TMPRSS11B: variants seen among roughly 807,000 people sequenced by gnomAD.
TMPRSS11B encodes transmembrane serine protease 11B.
In TMPRSS11B, 53 loss-of-function variants were observed where a neutral mutation model predicts 44.7. The ratio of observed to expected loss-of-function variants is 1.19; its 90% confidence interval spans 0.95 to 1.49. The LOEUF (loss-of-function observed/expected upper bound fraction) is 1.49, where lower values mean the gene tolerates loss of function less well. TMPRSS11B is among the 40% of genes most tolerant of loss of function. TMPRSS11B has a pLI of 0.00. For missense variants in TMPRSS11B, 526 were observed against 494.8 expected, an observed-to-expected ratio of 1.06 and a Z score of -0.60; for synonymous variants, 140 against 159.2, an observed-to-expected ratio of 0.88 and a Z score of 0.91.
intron 7 of TMPRSS11B, among the ~76,000 whole-genome samples, chr4:68,230,190 A>C (rs1424474096): frequency 6.6e-6 from 1 of 151,968 alleles, no homozygotes; most frequent in Non-Finnish European, 1.5e-5. Flanking sequence ...GGTTGATTTC[A>C]TGTTTTTGCT....
At chr4:68,231,543 A>G (rs529489008) in intron 6 of TMPRSS11B, among the ~76,000 whole-genome samples, 163 bp from the exon 7 acceptor site, 2 of 152,218 alleles carry the variant, frequency 1.3e-5, no homozygotes, top group Middle Eastern at 3.4e-3. Flanking sequence ...TCTGTATTCT[A>G]TCTTGGTTTG....
chr4:68,242,753 T>A (rs1406254626), intron 1 of TMPRSS11B, among the ~76,000 whole-genome samples: 1 of 151,448 alleles, frequency 6.6e-6, no homozygotes, highest in African/African-American at 2.4e-5. Flanking sequence ...TGTAATAGAG[T>A]CAGTGGTCTC....
At chr4:68,231,443 A>G (rs1719514104) in intron 6 of TMPRSS11B, 63 bp from the exon 7 acceptor site, 1 of 1,398,612 alleles carries the variant, frequency 7.1e-7, no homozygotes, top group Non-Finnish European at 9.7e-7. Context: ...AAAAAAATAT[A>G]TCATTAAAAA....
rs34414922 is a variant in TMPRSS11B, at chr4:68,227,405, C to CTTTT, written c.*502_*505dup. 144 of 117,090 alleles carry CTTTT rather than the reference C, an allele frequency of 1.2e-3. 3 individuals carry two copies. The highest frequency in any genetic ancestry group is 1.7e-3 in the East Asian group (7 of 4,038). The allele number at this position is 117,090 out of a possible 1,614,324, so 7.3% of individuals were successfully genotyped here. On this transcript the variant is annotated 3_prime_UTR_variant, in exon 10 of 10. Coordinates refer to ENST00000332644, the MANE Select transcript of TMPRSS11B (RefSeq NM_182502.3). Reference sequence around the variant, plus strand: ...TTAGCCTTCTTTATTTTCTTCTCTCCTTTTTTTTTTTTTTTTTTTGAGACA... The same window carrying CTTTT: ...TTAGCCTTCTTTATTTTCTTCTCTCCTTTTTTTTTTTTTTTTTTTTTTTGAGACA...
intron 7 of TMPRSS11B, among the ~76,000 whole-genome samples, chr4:68,230,927 T>C (rs1719493253): frequency 6.6e-6 from 1 of 152,226 alleles, no homozygotes; most frequent in Admixed American, 6.5e-5. Flanking sequence ...AATGTTGTGA[T>C]TAAATGAAAT....
chr4:68,233,685 C>T lies in TMPRSS11B; in HGVS notation c.469+778G>A, dbSNP rs117033245. Among the ~76,000 whole-genome samples, 215 of 152,086 alleles carry T rather than the reference C, an allele frequency of 1.4e-3. 2 individuals carry two copies. Among genetic ancestry groups the T allele is most frequent in the East Asian group, 9.7e-3 (50 of 5,164 alleles). On this transcript the variant is annotated intron_variant, in intron 5 of 9. Coordinates refer to ENST00000332644, the MANE Select transcript of TMPRSS11B (RefSeq NM_182502.3). ...TAAGTTCTCAAAATTTCATGATTCC[C>T]TTGTTTTCTAGGGAATTTTCCAGAC...
rs751667479 is a variant in TMPRSS11B, at chr4:68,228,736, A to G, written c.1089+6T>C. 1.9e-6 allele frequency: 3 copies of G among 1,604,920 alleles called. No individual in the cohort carries two copies. In the African/African-American group the frequency reaches 4.0e-5, roughly 22 times the overall value. ...GAAAACAACTGGATAATGTAACTAG[A>G]CATACCTGACATGCATCAGCTTCTC... On this transcript the variant is annotated splice_donor_region_variant and intron_variant, in intron 9 of 9. Coordinates refer to ENST00000332644, the MANE Select transcript of TMPRSS11B (RefSeq NM_182502.3).
chr4:68,232,467 C>A (rs1394911326), intron 5 of TMPRSS11B, 51 bp from the exon 6 acceptor site: 3 of 1,519,502 alleles, frequency 2.0e-6, no homozygotes, highest in Non-Finnish European at 2.7e-6. Flanking sequence ...TATCACCAAG[C>A]AATTGACTTC....
chr4:68,245,489 C>A lies in TMPRSS11B; in HGVS notation c.8+62G>T, dbSNP rs531682053. On this transcript the variant is annotated intron_variant, in intron 1 of 9. Coordinates refer to ENST00000332644, the MANE Select transcript of TMPRSS11B (RefSeq NM_182502.3). Reference sequence around the variant, plus strand: ...ACAGTCAATTAACAAAAAACTAGAACATACTTAATGGCAACTTGCTACATT... The same window carrying A: ...ACAGTCAATTAACAAAAAACTAGAAAATACTTAATGGCAACTTGCTACATT... 891 of 1,563,860 alleles carry A rather than the reference C, an allele frequency of 5.7e-4. 4 individuals are homozygous for A. In the African/African-American group the frequency reaches 0.01, roughly 18 times the overall value.
In TMPRSS11B at chr4:68,234,671, A is replaced by C. The variant is rs746818159; in HGVS notation, c.309-48T>G. On this transcript the variant is annotated intron_variant, in intron 4 of 9. Coordinates refer to ENST00000332644, the MANE Select transcript of TMPRSS11B (RefSeq NM_182502.3). ...AATGTACTGTTTCTTGATCTTTTAG[A>C]GGTTTTGTGAACACATTAAATTTCA... 8 of 1,588,700 alleles carry C rather than the reference A, an allele frequency of 5.0e-6. No homozygotes were observed. The African/African-American group carries it at 1.1e-4, about 22-fold the overall frequency.
At chr4:68,244,629 T>C (rs1210758322) in intron 1 of TMPRSS11B, among the ~76,000 whole-genome samples, 5 of 152,246 alleles carry the variant, frequency 3.3e-5, no homozygotes, top group African/African-American at 1.2e-4. Flanking sequence ...CAACTTGCAA[T>C]AATGATGTTA....
At chr4:68,243,761 T>C (rs1055447823) in intron 1 of TMPRSS11B, among the ~76,000 whole-genome samples, 2 of 152,200 alleles carry the variant, frequency 1.3e-5, no homozygotes, top group African/African-American at 2.4e-5. Context: ...TTCTGAGACA[T>C]GCATATTAGT....
In TMPRSS11B at chr4:68,241,648, A is replaced by G. The variant is rs753601173; in HGVS notation, c.124+41T>C. On this transcript the variant is annotated intron_variant, in intron 2 of 9. Transcript: ENST00000332644. ...TTTTTTCAATTTTTAAAATTTAAAG[A>G]TTTATAGCAAGGATGAAAACTGAAA... is the stretch of plus-strand genomic sequence containing the variant. 4 of 1,269,550 alleles carry G rather than the reference A, an allele frequency of 3.2e-6. No homozygotes were observed. The African/African-American group carries it at 6.0e-5, about 19-fold the overall frequency. The allele number at this position is 1,269,550 out of a possible 1,614,324, so 78.6% of individuals were successfully genotyped here.
chr4:68,238,596 G>A (rs1166491005), intron 2 of TMPRSS11B, among the ~76,000 whole-genome samples: 7 of 151,016 alleles, frequency 4.6e-5, no homozygotes, highest in East Asian at 1.9e-4. Flanking sequence ...GAGTGTTGGC[G>A]AACGCTGGTA....
At chr4:68,232,590 C>T (rs1719547154) in intron 5 of TMPRSS11B, among the ~76,000 whole-genome samples, 174 bp from the exon 6 acceptor site, 1 of 152,086 alleles carries the variant, frequency 6.6e-6, no homozygotes, top group African/African-American at 2.4e-5. Flanking sequence ...ACATTATAAC[C>T]ATCTCTCCAT....
chr4:68,239,448 A>C (rs149213996), intron 2 of TMPRSS11B, among the ~76,000 whole-genome samples: 71 of 152,320 alleles, frequency 4.7e-4, no homozygotes, highest in African/African-American at 1.7e-3. Flanking sequence ...ATTGGTCTTA[A>C]AAGTCCAGTC....
At chr4:68,232,889 TGATAGA>T (rs1265120716) in intron 5 of TMPRSS11B, among the ~76,000 whole-genome samples, 1 of 134,604 alleles carries the variant, frequency 7.4e-6, no homozygotes, top group African/African-American at 2.8e-5. Context: ...TAAGAGATCA[TGATAGA>T]GATTTCTTTC....
chr4:68,235,039 A>G lies in TMPRSS11B; in HGVS notation c.309-416T>C, dbSNP rs573113896. On this transcript the variant is annotated intron_variant, in intron 4 of 9. Transcript: ENST00000332644. ...AAGCATTCAAAAGACAATTTCCAGC[A>G]TGTATTTAGAAGCCAGTGCTAACCT... Among the ~76,000 whole-genome samples, 50 of 152,340 alleles carry G rather than the reference A, an allele frequency of 3.3e-4. 1 individual carries two copies. The highest frequency in any genetic ancestry group is 1.2e-3 in the African/African-American group (49 of 41,590).
chr4:68,242,368 A>G (rs1396555114), intron 1 of TMPRSS11B, among the ~76,000 whole-genome samples: 1 of 62,488 alleles, frequency 1.6e-5, no homozygotes, highest in African/African-American at 6.0e-5. Flanking sequence ...TATATTATAT[A>G]TAATATTATA....
Sources: allele counts gnomAD v4.1 joint callset (sites outside exome capture counted in the v4.1 genomes callset), GRCh38; gene constraint gnomAD v4.1.1; transcripts MANE v1.5; gene names NCBI Gene and HGNC (gene_info 2026-07-23, HGNC 2026-07-21).